ECRG4: variants seen among roughly 807,000 people sequenced by gnomAD.
The protein encoded by ECRG4 is augurin.
In ECRG4, 18 loss-of-function variants were observed where a neutral mutation model predicts 15.8. That is an observed-to-expected ratio of 1.14 (90% CI 0.79 to 1.69). The LOEUF (loss-of-function observed/expected upper bound fraction) is 1.69, where lower values mean the gene tolerates loss of function less well. Among genes scored for constraint, ECRG4 ranks in the 40% most tolerant of loss-of-function variants. The pLI, the probability that ECRG4 is intolerant of heterozygous loss-of-function variation, is 0.00. For missense variants in ECRG4, 200 were observed against 190.9 expected, an observed-to-expected ratio of 1.05 and a Z score of -0.28; for synonymous variants, 82 against 73.9, an observed-to-expected ratio of 1.11 and a Z score of -0.56.
chr2:106,067,011 G>C (rs1208708682), intron 1 of ECRG4, among the ~76,000 whole-genome samples: 1 of 146,748 alleles, frequency 6.8e-6, no homozygotes, highest in African/African-American at 2.5e-5. Context: ...AAGCACATCT[G>C]GGCCGGCCTT....
intron 1 of ECRG4, among the ~76,000 whole-genome samples, chr2:106,067,231 G>A (rs903304192): frequency 2.0e-5 from 3 of 151,914 alleles, no homozygotes; most frequent in Non-Finnish European, 4.4e-5. Flanking sequence ...GGAGGAGATT[G>A]CGGCGAGCTG....
chr2:106,071,103 A>T, intron 1 of ECRG4: 1 of 452,824 alleles, frequency 2.2e-6, no homozygotes, highest in Admixed American at 2.4e-5. Context: ...TTTTAGGGTG[A>T]TCTGGGCAAG....
upstream of ECRG4, among the ~76,000 whole-genome samples, chr2:106,065,072 G>A (rs1676174071): frequency 1.3e-5 from 2 of 152,106 alleles, no homozygotes; most frequent in South Asian, 4.1e-4. Flanking sequence ...AGAAGTTTGG[G>A]TGAGACGATT....
chr2:106,076,900 C>G (rs1417371792), intron 3 of ECRG4, among the ~76,000 whole-genome samples: 1 of 152,202 alleles, frequency 6.6e-6, no homozygotes. Context: ...TCCTGAGCAT[C>G]AGCACACGAG....
At chr2:106,068,973 C>G (rs1318239230) in intron 1 of ECRG4, among the ~76,000 whole-genome samples, 1 of 152,200 alleles carries the variant, frequency 6.6e-6, no homozygotes. Flanking sequence ...CCCCCAAGGC[C>G]ATTTGTCCCA....
intron 1 of ECRG4, 79 bp downstream of exon 1, chr2:106,065,922 G>T: frequency 7.8e-7 from 1 of 1,282,000 alleles, no homozygotes; most frequent in South Asian, 1.5e-5. Flanking sequence ...TGCCCGGGGA[G>T]AGCGATCGGT....
chr2:106,078,040 C>A lies in ECRG4; in HGVS notation c.*114C>A. 1.0e-6 allele frequency: 1 copy of A among 996,034 alleles called. No homozygotes were observed. The highest frequency in any genetic ancestry group is 1.4e-6 in the Non-Finnish European group (1 of 718,274). 61.7% of individuals were successfully genotyped at this position (996,034 alleles called of 1,614,324 possible). A position where few individuals can be genotyped will look rare whatever the true frequency, so the allele number is the denominator to read the frequency against. On this transcript the variant is annotated 3_prime_UTR_variant, in exon 4 of 4. Transcript: ENST00000238044. The stretch of plus-strand genomic sequence containing the variant: ...CTCTATTTCAGCAGATCTTTTCTAC[C>A]TACTTTGTGTGATCAAAAAAGAAGA...
At chr2:106,074,124 G>A (rs1437397541) in intron 3 of ECRG4, 81 bp downstream of exon 3, 35 of 1,539,102 alleles carry the variant, frequency 2.3e-5, no homozygotes, top group Non-Finnish European at 2.9e-5. Context: ...GAAATAGGAA[G>A]CAGAAAATTC....
chr2:106,063,572 C>T (rs906781328), upstream of ECRG4, among the ~76,000 whole-genome samples: 21 of 152,106 alleles, frequency 1.4e-4, no homozygotes, highest in Admixed American at 4.6e-4. Context: ...GGTCATATCC[C>T]GATTAAGTGA....
rs200593375 is a variant in ECRG4, at chr2:106,077,896, T to C, written c.417T>C (p.His139=). ...IGPRSPYGFR[H]GASVNYDDY ...CCCGGAGCCCCTACGGCTTTAGGCA[T>C]GGAGCCAGCGTCAACTACGATGACT... Residue 139 remains histidine (H), a synonymous_variant, in exon 4 of 4, where the codon CAT becomes CAC. Transcript: ENST00000238044. The C allele has an allele frequency of 5.0e-6, 8 of 1,614,136 alleles. No individual in the cohort carries two copies. In the African/African-American group the frequency reaches 9.3e-5, roughly 19 times the overall value.
At chr2:106,067,785 C>T (rs572050216) in intron 1 of ECRG4, among the ~76,000 whole-genome samples, 3 of 151,746 alleles carry the variant, frequency 2.0e-5, no homozygotes, top group Non-Finnish European at 4.4e-5. Context: ...GCCCAGCCTA[C>T]AGTGAAAATC....
rs368622171 is a variant in ECRG4 at position 106,073,982 on chromosome 2, G to A, written c.224G>A (p.Arg75Gln). 33 of 1,613,992 alleles carry A rather than the reference G, an allele frequency of 2.0e-5. No homozygotes were observed. Among genetic ancestry groups the A allele is most frequent in the Non-Finnish European group, 2.5e-5 (29 of 1,180,050 alleles). ...LKRQKRQLWD[R>Q]TRPEVQQWYQ... is the part of the protein sequence containing the mutation. ...CGCCAGAAGCGGCAGCTGTGGGACC[G>A]GACTCGGCCCGAGGTGCAGCAGTGG... Residue 75 changes from arginine to glutamine, a missense_variant, in exon 3 of 4, where the codon CGG becomes CAG. Arg to Gln is a conservative substitution (Grantham distance 43). Coordinates refer to ENST00000238044, the MANE Select transcript of ECRG4 (RefSeq NM_032411.3).
intron 1 of ECRG4, among the ~76,000 whole-genome samples, chr2:106,071,541 G>T (rs74379563): frequency 2.0e-5 from 3 of 152,124 alleles, no homozygotes; most frequent in Non-Finnish European, 4.4e-5. Context: ...AGGAAGATGC[G>T]CTTGACAGAT....
At chr2:106,070,646 T>A in intron 1 of ECRG4, 1 of 189,986 alleles carries the variant, frequency 5.3e-6, no homozygotes, top group East Asian at 1.4e-4. Context: ...CCAGCTTTAT[T>A]GATGTATAAT....
chr2:106,069,524 G>A (rs35134503), intron 1 of ECRG4, among the ~76,000 whole-genome samples: 26,936 of 151,786 alleles, frequency 0.18, 2,672 homozygotes, highest in Non-Finnish European at 0.19. Context: ...TAGTAGGGAC[G>A]GGGTTTCACC....
chr2:106,066,465 G>T (rs904505878), intron 1 of ECRG4, among the ~76,000 whole-genome samples: 3 of 152,244 alleles, frequency 2.0e-5, no homozygotes, highest in African/African-American at 7.2e-5. Context: ...AATGATGGGT[G>T]CTCCGATATC....
In ECRG4 at chr2:106,073,812, A is replaced by G. The variant is rs999420029; in HGVS notation, c.128-74A>G. ...CACATGGTGGTGGGGGATGGGATGT[A>G]TAACAGGGATTCACCGCAAGTGAGG... On this transcript the variant is annotated intron_variant, in intron 2 of 3. Coordinates refer to ENST00000238044, the MANE Select transcript of ECRG4 (RefSeq NM_032411.3). 2.5e-5 allele frequency: 39 copies of G among 1,566,282 alleles called. No homozygotes were observed. The East Asian group carries it at 8.1e-4, about 33-fold the overall frequency.
intron 3 of ECRG4, among the ~76,000 whole-genome samples, chr2:106,074,643 TGGA>T (rs1676447618): frequency 6.6e-6 from 1 of 152,158 alleles, no homozygotes; most frequent in South Asian, 2.1e-4. Context: ...GGGGTGCACG[TGGA>T]GGTGAGACGG....
At chr2:106,074,304 C>A (rs1232642139) in intron 3 of ECRG4, 2 of 395,460 alleles carry the variant, frequency 5.1e-6, no homozygotes, top group Non-Finnish European at 9.2e-6. Context: ...GACCTAGATT[C>A]ATCGAGAATC....
Sources: allele counts gnomAD v4.1 joint callset (sites outside exome capture counted in the v4.1 genomes callset), GRCh38; gene constraint gnomAD v4.1.1; transcripts MANE v1.5; gene names NCBI Gene and HGNC (gene_info 2026-07-23, HGNC 2026-07-21).